Variants in SDK1 observed in about 807,000 individuals in gnomAD.
SDK1 encodes the protein sidekick cell adhesion molecule 1, also known as protein sidekick-1.
In SDK1, 157 loss-of-function variants were observed where a neutral mutation model predicts 245.5. The observed-to-expected ratio is 0.64, with a 90% CI of 0.56 to 0.73. The LOEUF is 0.73. SDK1 is among the 30% of genes least tolerant of loss of function. The probability of loss-of-function intolerance (pLI) is 0.00; values close to 1 mark genes in which losing one functional copy is unlikely to be tolerated. For synonymous variants in SDK1, 1,647 were observed against 1,278.5 expected, an observed-to-expected ratio of 1.29 and a Z score of -6.15; for missense variants, 3,583 against 3,002.3, an observed-to-expected ratio of 1.19 and a Z score of -4.52.
intron 38 of SDK1, among the ~76,000 whole-genome samples, chr7:4,217,479 G>GGCCACCCGGAGCACCAC (rs1784888485): frequency 1.5e-5 from 1 of 68,826 alleles, no homozygotes. Flanking sequence ...CGGAGCACCA[G>GGCCACCCGGAGCACCAC]GCCACCCGGA....
intron 1 of SDK1, among the ~76,000 whole-genome samples, chr7:3,404,710 G>A (rs1007124063): frequency 6.6e-6 from 1 of 152,112 alleles, no homozygotes; most frequent in Non-Finnish European, 1.5e-5. Flanking sequence ...CTGCAGCCTT[G>A]GTAAATGGTC....
At chr7:3,515,075 C>T (rs867992992) in intron 1 of SDK1, among the ~76,000 whole-genome samples, 31 of 151,984 alleles carry the variant, frequency 2.0e-4, no homozygotes, top group African/African-American at 5.8e-4. Context: ...AGATATTCTG[C>T]GGGTAGAAGG....
intron 1 of SDK1, among the ~76,000 whole-genome samples, chr7:3,499,353 AT>A (rs1782123032): frequency 6.6e-6 from 1 of 152,154 alleles, no homozygotes; most frequent in Non-Finnish European, 1.5e-5. Flanking sequence ...TGACTTAGCC[AT>A]TTTTTGTGTG....
chr7:3,946,405 C>G (rs572970462), intron 5 of SDK1, among the ~76,000 whole-genome samples: 1 of 152,250 alleles, frequency 6.6e-6, no homozygotes, highest in African/African-American at 2.4e-5. Flanking sequence ...GTCTCAAACT[C>G]CTGAATTGAA....
At chr7:3,647,418 G>T (rs1385177197) in intron 4 of SDK1, among the ~76,000 whole-genome samples, 2 of 152,070 alleles carry the variant, frequency 1.3e-5, no homozygotes, top group Admixed American at 6.5e-5. Flanking sequence ...AATACATCAA[G>T]CTCTTTTCTG....
intron 1 of SDK1, among the ~76,000 whole-genome samples, chr7:3,578,808 G>A (rs560333857): frequency 1.4e-4 from 22 of 151,886 alleles, no homozygotes; most frequent in African/African-American, 5.3e-4. Context: ...TAAAATCGCT[G>A]TTATTCTGTT....
At chr7:4,154,842 G>A (rs1439774613) in intron 30 of SDK1, among the ~76,000 whole-genome samples, 2 of 152,060 alleles carry the variant, frequency 1.3e-5, no homozygotes, top group African/African-American at 4.8e-5. Context: ...GTGCAGAATT[G>A]GGAGGAGTTA....
intron 1 of SDK1, among the ~76,000 whole-genome samples, chr7:3,517,687 G>C (rs1050582039): frequency 2.6e-5 from 4 of 152,142 alleles, no homozygotes; most frequent in Non-Finnish European, 5.9e-5. Context: ...CCATTGTTCT[G>C]CTAAGGCTTT....
At chr7:3,861,763 C>T (rs969220878) in intron 5 of SDK1, among the ~76,000 whole-genome samples, 1 of 152,186 alleles carries the variant, frequency 6.6e-6, no homozygotes, top group East Asian at 1.9e-4. Flanking sequence ...CTTCACATGG[C>T]TTGTGGACTA....
chr7:3,572,681 G>C (rs1780153926), intron 1 of SDK1, among the ~76,000 whole-genome samples: 1 of 152,092 alleles, frequency 6.6e-6, no homozygotes. Flanking sequence ...TCAAGTGCCT[G>C]TAATGTAACA....
At chr7:3,686,909 C>A (rs1040151081) in intron 4 of SDK1, among the ~76,000 whole-genome samples, 5 of 152,128 alleles carry the variant, frequency 3.3e-5, no homozygotes, top group African/African-American at 1.2e-4. Flanking sequence ...CCTGGAGCAA[C>A]TGGGGTAGGC....
chr7:4,190,949 G>A (rs900224709), intron 35 of SDK1, among the ~76,000 whole-genome samples: 5 of 152,204 alleles, frequency 3.3e-5, no homozygotes, highest in Non-Finnish European at 7.3e-5. Flanking sequence ...GCCTAGCCAG[G>A]CTTCTCTGGG....
intron 4 of SDK1, among the ~76,000 whole-genome samples, chr7:3,664,291 A>G (rs1331066496): frequency 6.6e-6 from 1 of 152,200 alleles, no homozygotes; most frequent in African/African-American, 2.4e-5. Context: ...GAAAAACACC[A>G]GGCTGTTAAT....
chr7:4,107,047 G>C (rs924283342), intron 22 of SDK1, among the ~76,000 whole-genome samples: 2 of 150,876 alleles, frequency 1.3e-5, no homozygotes, highest in African/African-American at 4.9e-5. Flanking sequence ...CAGAGCCCCC[G>C]CCCAGGACCC....
At chr7:3,631,374 T>C (rs1397955013) in intron 2 of SDK1, among the ~76,000 whole-genome samples, 1 of 152,228 alleles carries the variant, frequency 6.6e-6, no homozygotes, top group South Asian at 2.1e-4. Flanking sequence ...GTAACTCCCA[T>C]CTACATCTTC....
At chr7:4,015,457 C>A (rs537003210) in intron 16 of SDK1, among the ~76,000 whole-genome samples, 1 of 152,240 alleles carries the variant, frequency 6.6e-6, no homozygotes, top group South Asian at 2.1e-4. Flanking sequence ...CTGTCTCAGT[C>A]CCATTTATTT....
At chr7:3,343,344 C>T (rs927150455) in intron 1 of SDK1, among the ~76,000 whole-genome samples, 5 of 152,076 alleles carry the variant, frequency 3.3e-5, no homozygotes, top group African/African-American at 1.2e-4. Context: ...TAAAAAGGGC[C>T]AAAGTATTGA....
At chr7:3,854,001 T>A (rs1168752707) in intron 5 of SDK1, among the ~76,000 whole-genome samples, 1 of 152,114 alleles carries the variant, frequency 6.6e-6, no homozygotes, top group African/African-American at 2.4e-5. Flanking sequence ...AAAAAAATTT[T>A]TTTTGGATTT....
chr7:4,265,263 C>A lies in SDK1; in HGVS notation c.6521C>A (p.Ala2174Glu), dbSNP rs765192517. The change falls in exon 45 of 45, where the codon GCG becomes GAG. Residue 2174 changes from alanine (A) to glutamate (E), a missense_variant. By Grantham distance (107) the Ala-to-Glu change is moderately radical. Coordinates refer to ENST00000404826, the MANE Select transcript of SDK1 (RefSeq NM_152744.4). The part of the protein sequence containing the change: ...APAPHRYEAV[A>E]GSEAGAQLHP... Reference sequence around the variant, plus strand: ...GCGCCGCACAGGTACGAGGCGGTGGCGGGCTCCGAGGCGGGCGCGCAGCTG... The same window carrying A: ...GCGCCGCACAGGTACGAGGCGGTGGAGGGCTCCGAGGCGGGCGCGCAGCTG... 1.1e-5 allele frequency: 17 copies of A among 1,598,700 alleles called. No individual in the cohort carries two copies. The South Asian group carries it at 1.8e-4, about 17-fold the overall frequency.
Sources: gnomAD v4.1 joint callset for allele counts (sites outside exome capture counted in the v4.1 genomes callset) on GRCh38, gnomAD v4.1.1 for gene constraint, MANE v1.5 for transcripts, NCBI Gene and HGNC (gene_info 2026-07-23, HGNC 2026-07-21) for gene names.